Variants in SRPK1 observed in about 807,000 individuals in gnomAD.
The protein encoded by SRPK1 is SFRS protein kinase 1.
A neutral mutation model predicts 89.5 loss-of-function variants in SRPK1; 52 were observed. The ratio of observed to expected loss-of-function variants is 0.58; its 90% CI spans 0.46 to 0.73. The LOEUF (loss-of-function observed/expected upper bound fraction) is 0.73. Among genes scored for constraint, SRPK1 ranks in the 30% least tolerant of loss-of-function variants. The pLI is 0.00. For synonymous variants in SRPK1, 255 were observed against 270.2 expected (o/e 0.94, Z 0.55); for missense variants, 603 against 780.6 (o/e 0.77, Z 2.71).
At chr6:35,905,190 A>G (rs1392438338) in intron 2 of SRPK1, among the ~76,000 whole-genome samples, 1 of 152,170 alleles carries the variant, frequency 6.6e-6, no homozygotes, top group African/African-American at 2.4e-5. Context: ...ACACTAAACA[A>G]TCTGGAGAAT....
In SRPK1 at chr6:35,872,058, A is replaced by G. The variant is rs1270967814; in HGVS notation, c.751+505T>C. 3.3e-5 allele frequency among the ~76,000 whole-genome samples: 5 copies of G among 152,332 alleles called. No homozygotes were observed. In the East Asian group the frequency reaches 9.6e-4, roughly 29 times the overall value. On this transcript the variant is annotated intron_variant, in intron 8 of 15. Transcript: ENST00000373825. ...CCTGGTCCCGCAATTTATTTGGTAT[A>G]TAATATTGTGTGGCACACTACTAAC...
At chr6:35,888,685 T>A in intron 4 of SRPK1, 130 bp downstream of exon 4, 1 of 636,800 alleles carries the variant, frequency 1.6e-6, no homozygotes. Flanking sequence ...CAGAGACTAT[T>A]GCCAACAACA....
intron 15 of SRPK1, among the ~76,000 whole-genome samples, chr6:35,837,957 C>G (rs1581986321): frequency 6.6e-6 from 1 of 151,880 alleles, no homozygotes; most frequent in East Asian, 1.9e-4. Context: ...CAACCTCCGC[C>G]TCCCAGATTC....
chr6:35,868,163 C>T (rs927269960), intron 12 of SRPK1, among the ~76,000 whole-genome samples: 1 of 151,734 alleles, frequency 6.6e-6, no homozygotes, highest in Admixed American at 6.6e-5. Flanking sequence ...TTAGTAGAGA[C>T]GGGATTTCTC....
intron 2 of SRPK1, among the ~76,000 whole-genome samples, chr6:35,908,989 A>T (rs1170933046): frequency 6.6e-6 from 1 of 152,230 alleles, no homozygotes. Flanking sequence ...AGTCTGCTGC[A>T]GGGGTGGAGC....
At chr6:35,851,335 A>G (rs9462133) in intron 13 of SRPK1, among the ~76,000 whole-genome samples, 51,459 of 151,546 alleles carry the variant, frequency 0.34, 9,007 homozygotes, top group South Asian at 0.45. Flanking sequence ...CCACCACCCC[A>G]GCTAACTTTT....
chr6:35,882,423 C>A (rs1242853061), intron 6 of SRPK1, among the ~76,000 whole-genome samples: 3 of 151,964 alleles, frequency 2.0e-5, no homozygotes, highest in Non-Finnish European at 4.4e-5. Context: ...CTCGAGTGAC[C>A]CTGCTGCTTC....
At chr6:35,887,715 GA>G (rs956988707) in intron 5 of SRPK1, 20 of 215,944 alleles carry the variant, frequency 9.3e-5, no homozygotes, top group South Asian at 1.8e-4. Context: ...ACCATAGTAG[GA>G]AAAAAAAACA....
At chr6:35,858,523 C>G (rs1376298866) in intron 12 of SRPK1, among the ~76,000 whole-genome samples, 4 of 152,124 alleles carry the variant, frequency 2.6e-5, no homozygotes, top group Non-Finnish European at 4.4e-5. Context: ...TGGCATCGGT[C>G]TTTAGTACCA....
intron 2 of SRPK1, among the ~76,000 whole-genome samples, chr6:35,912,838 C>T (rs1771000820): frequency 6.6e-6 from 1 of 152,222 alleles, no homozygotes; most frequent in Non-Finnish European, 1.5e-5. Flanking sequence ...GGCTGGAGTG[C>T]AGTGGCATAA....
At position 35,888,826 on chromosome 6, in the gene SRPK1, T is replaced by C. The variant is rs771421459; in HGVS notation, c.291A>G (p.Ser97=). The C allele has an allele frequency of 7.5e-6, 12 of 1,605,852 alleles. No individual in the cohort carries two copies. Among genetic ancestry groups the C allele is most frequent in the Non-Finnish European group, 9.4e-6 (11 of 1,172,746 alleles). The change falls in exon 4 of 16, where the codon TCA becomes TCG. Residue 97 remains serine, a synonymous_variant. Transcript: ENST00000373825. ...CCACTAAAACTTACTGAATATCCCATGATAACCATACTGTTGAAAAGTGTC... is the reference window on the plus strand; with the variant it reads ...CCACTAAAACTTACTGAATATCCCACGATAACCATACTGTTGAAAAGTGTC... The part of the protein sequence containing the change: ...GWGHFSTVWL[S]WDIQGKKFVA...
chr6:35,879,313 G>A (rs1770225637), intron 6 of SRPK1, among the ~76,000 whole-genome samples: 2 of 152,132 alleles, frequency 1.3e-5, no homozygotes, highest in Admixed American at 1.3e-4. Flanking sequence ...TCGGGAGGCT[G>A]AGGCAGGATG....
At chr6:35,920,570 A>T in intron 1 of SRPK1, 42 bp from the exon 2 acceptor site, 4 of 1,600,100 alleles carry the variant, frequency 2.5e-6, no homozygotes, top group Non-Finnish European at 3.4e-6. Flanking sequence ...TGTGGAGGAA[A>T]GGAGGCGACC....
At chr6:35,916,849 G>A (rs1771114837) in intron 2 of SRPK1, among the ~76,000 whole-genome samples, 1 of 152,150 alleles carries the variant, frequency 6.6e-6, no homozygotes, top group African/African-American at 2.4e-5. Flanking sequence ...ACTCGAGGTC[G>A]AGTTTGAGAC....
chr6:35,859,769 A>G (rs555709185), intron 12 of SRPK1, among the ~76,000 whole-genome samples: 1 of 152,306 alleles, frequency 6.6e-6, no homozygotes, highest in Non-Finnish European at 1.5e-5. Flanking sequence ...GGTGCAACAC[A>G]CATGTATTGT....
chr6:35,872,529 C>T, intron 8 of SRPK1, 34 bp downstream of exon 8: 1 of 1,539,406 alleles, frequency 6.5e-7, no homozygotes, highest in Non-Finnish European at 8.7e-7. Context: ...TTTTTAACTT[C>T]TAATGATAGC....
At chr6:35,849,658 T>C (rs773060387) in intron 13 of SRPK1, among the ~76,000 whole-genome samples, 1 of 152,312 alleles carries the variant, frequency 6.6e-6, no homozygotes, top group Non-Finnish European at 1.5e-5. Context: ...ATGTGGTATA[T>C]ACAGGTTGCT....
intron 12 of SRPK1, among the ~76,000 whole-genome samples, chr6:35,862,073 TAACAAC>T (rs201751746): frequency 1.5e-4 from 22 of 151,532 alleles, no homozygotes; most frequent in South Asian, 8.3e-4. Flanking sequence ...CCATCACAGC[TAACAAC>T]AACAACAACA....
At chr6:35,862,386 G>A (rs957369509) in intron 12 of SRPK1, among the ~76,000 whole-genome samples, 2 of 152,070 alleles carry the variant, frequency 1.3e-5, no homozygotes, top group African/African-American at 2.4e-5. Context: ...AGCCACAGAG[G>A]AAATTGCAGA....
Sources: allele counts gnomAD v4.1 joint callset (sites outside exome capture counted in the v4.1 genomes callset), GRCh38; gene constraint gnomAD v4.1.1; transcripts MANE v1.5; gene names NCBI Gene and HGNC (gene_info 2026-07-23, HGNC 2026-07-21).